The following ADAMTS16 variants were observed in gnomAD, a reference collection of about 807,000 sequenced individuals.
ADAMTS16 encodes the protein ADAM metallopeptidase with thrombospondin type 1 motif 16.
Under a neutral mutation model 145.8 loss-of-function variants are expected in ADAMTS16, and 94 were observed. The ratio of observed to expected loss-of-function variants is 0.64; its 90% CI spans 0.55 to 0.77. The LOEUF is 0.77. ADAMTS16 is among the 30% of genes least tolerant of loss of function. The probability of loss-of-function intolerance (pLI) is 0.00; values close to 1 mark genes in which losing one functional copy is unlikely to be tolerated. For synonymous variants in ADAMTS16, 659 were observed against 604.3 expected (o/e 1.09, Z -1.33); for missense variants, 1,585 against 1,591.5 (o/e 1.00, Z 0.07).
chr5:5,193,528 A>G (rs1347094085), intron 8 of ADAMTS16, among the ~76,000 whole-genome samples: 2 of 152,206 alleles, frequency 1.3e-5, no homozygotes, highest in African/African-American at 4.8e-5. Context: ...TAAGTCACTG[A>G]GGGCTTAGCC....
chr5:5,262,843 C>T, intron 18 of ADAMTS16, 60 bp downstream of exon 18: 1 of 1,591,130 alleles, frequency 6.3e-7, no homozygotes. Context: ...CTCAGCGAGT[C>T]TTGCAGCTCC....
Position 5,246,732 on chromosome 5 carries a change from G to A in ADAMTS16, c.2662+4541G>A, listed in dbSNP as rs564159766. Among the ~76,000 whole-genome samples, 15 of 152,268 alleles carry A rather than the reference G, an allele frequency of 9.9e-5. No individual in the cohort carries two copies. The South Asian group carries it at 3.1e-3, about 32-fold the overall frequency. On this transcript the variant is annotated intron_variant, in intron 17 of 22. Coordinates refer to ENST00000274181, the MANE Select transcript of ADAMTS16 (RefSeq NM_139056.4). ...TAGCTAGTTGAGGTATTGTACATTT[G>A]TGCATCTTAATCGGGGAATCGAGTA...
chr5:5,246,433 T>C (rs956898629), intron 17 of ADAMTS16, among the ~76,000 whole-genome samples: 10 of 152,222 alleles, frequency 6.6e-5, no homozygotes, highest in African/African-American at 2.4e-4. Flanking sequence ...GCTTAAGGTT[T>C]AATTCATTTA....
intron 21 of ADAMTS16, among the ~76,000 whole-genome samples, chr5:5,316,577 G>T (rs1318146587): frequency 6.6e-6 from 1 of 152,098 alleles, no homozygotes; most frequent in Non-Finnish European, 1.5e-5. Context: ...CATGTTCTGT[G>T]GCATGTGCAT....
chr5:5,199,763 C>T lies in ADAMTS16; in HGVS notation c.1314-369C>T, dbSNP rs138225630. Among the ~76,000 whole-genome samples, 4 of 152,270 alleles carry T rather than the reference C, an allele frequency of 2.6e-5. No homozygotes were observed. In the East Asian group the frequency reaches 7.7e-4, roughly 29 times the overall value. ...CTGGCATCTACATTTCTAACGAACA[C>T]CCATGGAAACTCTAACGATCCTGCT... On this transcript the variant is annotated intron_variant, in intron 8 of 22. Transcript: ENST00000274181.
intron 2 of ADAMTS16, among the ~76,000 whole-genome samples, chr5:5,144,090 C>A (rs1039608948): frequency 6.6e-6 from 1 of 150,864 alleles, no homozygotes; most frequent in Non-Finnish European, 1.5e-5. Flanking sequence ...CAAACCTGTA[C>A]GTTCTACACA....
intron 17 of ADAMTS16, among the ~76,000 whole-genome samples, chr5:5,246,268 G>C (rs1305998750): frequency 6.6e-6 from 1 of 152,118 alleles, no homozygotes; most frequent in Non-Finnish European, 1.5e-5. Flanking sequence ...CATGTATGCT[G>C]TAATGTCTGG....
rs10680781 is a variant in ADAMTS16, at chr5:5,196,237, C to CAAAAAAAAAA, written c.1314-3885_1314-3876dup. Among the ~76,000 whole-genome samples the CAAAAAAAAAA allele has an allele frequency of 1.3e-4, 12 of 95,056 alleles. 2 individuals carry two copies. Among genetic ancestry groups the CAAAAAAAAAA allele is most frequent in the Non-Finnish European group, 1.8e-4 (9 of 51,062 alleles). 62.4% of individuals were successfully genotyped at this position (95,056 alleles called of 152,430 possible). ...TGGGCAACAGAGAGAGCCTCCATCT[C>CAAAAAAAAAA]AAAAAAAAAAAAAAAAAAAGCAGCA... On this transcript the variant is annotated intron_variant, in intron 8 of 22. Transcript: ENST00000274181.
At chr5:5,143,980 G>C (rs970360272) in intron 2 of ADAMTS16, among the ~76,000 whole-genome samples, 10 of 99,568 alleles carry the variant, frequency 1.0e-4, no homozygotes, top group Non-Finnish European at 2.1e-5. Flanking sequence ...GGCTTGTTGG[G>C]GGGTGAGGGG....
chr5:5,153,435 T>G (rs1734523950), intron 3 of ADAMTS16, among the ~76,000 whole-genome samples: 1 of 152,204 alleles, frequency 6.6e-6, no homozygotes, highest in Admixed American at 6.5e-5. Context: ...TATTTCCAAT[T>G]TACAAACAGA....
intron 3 of ADAMTS16, among the ~76,000 whole-genome samples, chr5:5,173,860 A>C (rs544971134): frequency 1.3e-5 from 2 of 152,314 alleles, no homozygotes; most frequent in South Asian, 4.2e-4. Flanking sequence ...TTTGTCCTCC[A>C]GCATTTTAAC....
chr5:5,182,679 A>T (rs180863119), intron 4 of ADAMTS16, among the ~76,000 whole-genome samples: 1 of 152,206 alleles, frequency 6.6e-6, no homozygotes, highest in African/African-American at 2.4e-5. Flanking sequence ...TTTCCTGCTG[A>T]GGTAATTCAT....
chr5:5,160,315 C>T (rs1006363411), intron 3 of ADAMTS16, among the ~76,000 whole-genome samples: 2 of 152,160 alleles, frequency 1.3e-5, no homozygotes, highest in African/African-American at 2.4e-5. Context: ...TACTTTAAAA[C>T]TTTCTTGGAT....
chr5:5,289,956 T>A (rs758677139), intron 18 of ADAMTS16, among the ~76,000 whole-genome samples: 1 of 152,264 alleles, frequency 6.6e-6, no homozygotes, highest in Non-Finnish European at 1.5e-5. Context: ...GCAGTGTTAA[T>A]GGCATGGCAG....
chr5:5,197,443 A>G (rs1735836296), intron 8 of ADAMTS16, among the ~76,000 whole-genome samples: 1 of 152,224 alleles, frequency 6.6e-6, no homozygotes, highest in East Asian at 1.9e-4. Flanking sequence ...ACAAACACGA[A>G]TAGAAACCTG....
rs773876927 is a variant in ADAMTS16, at chr5:5,234,999, A to G, written c.1851-15A>G. On this transcript the variant is annotated splice_polypyrimidine_tract_variant and intron_variant, in intron 12 of 22. Transcript: ENST00000274181. ...CTAAAATATAAAAATTCTAACTTCA[A>G]AATACACATTCCAGGCCATCGCATG... 4.6e-6 allele frequency: 7 copies of G among 1,528,230 alleles called. No homozygotes were observed. Among genetic ancestry groups the G allele is most frequent in the Admixed American group, 3.9e-5 (2 of 51,358 alleles). 94.7% of individuals were successfully genotyped at this position (1,528,230 alleles called of 1,614,324 possible).
intron 21 of ADAMTS16, among the ~76,000 whole-genome samples, chr5:5,307,625 C>G (rs1366574076): frequency 6.6e-6 from 1 of 151,258 alleles, no homozygotes; most frequent in African/African-American, 2.4e-5. Flanking sequence ...GCAGGGACAA[C>G]AGCTAGCCAC....
intron 9 of ADAMTS16, among the ~76,000 whole-genome samples, chr5:5,200,844 T>A (rs73735742): frequency 0.019 from 2,903 of 152,300 alleles, 109 homozygotes; most frequent in African/African-American, 0.066. Context: ...AGAAATTTTC[T>A]CTAAGCACTA....
At chr5:5,311,486 C>A (rs1382503509) in intron 21 of ADAMTS16, among the ~76,000 whole-genome samples, 5 of 151,792 alleles carry the variant, frequency 3.3e-5, no homozygotes, top group African/African-American at 9.7e-5. Flanking sequence ...ACCCTTCACT[C>A]CGCTCGCTGG....
Sources: gnomAD v4.1 joint callset for allele counts (sites outside exome capture counted in the v4.1 genomes callset) on GRCh38, gnomAD v4.1.1 for gene constraint, MANE v1.5 for transcripts, NCBI Gene and HGNC (gene_info 2026-07-23, HGNC 2026-07-21) for gene names.